Variants in USH2A observed in about 807,000 individuals in gnomAD.
USH2A encodes usherin.
In USH2A, 443 loss-of-function variants were observed where a neutral mutation model predicts 538.9. The ratio of observed to expected loss-of-function variants is 0.82; its 90% CI spans 0.76 to 0.89. The LOEUF (loss-of-function observed/expected upper bound fraction) is 0.89. USH2A is among the 40% of genes least tolerant of loss of function. The pLI is 0.00. For synonymous variants in USH2A, 2,413 were observed against 2,273.5 expected (o/e 1.06, Z -1.75); for missense variants, 6,633 against 6,324.8 (o/e 1.05, Z -1.65).
intron 3 of USH2A, among the ~76,000 whole-genome samples, chr1:216,396,687 T>C (rs2102754465): frequency 6.6e-6 from 1 of 152,260 alleles, no homozygotes; most frequent in East Asian, 1.9e-4. Flanking sequence ...GCAATGACTT[T>C]TGCATTATGA....
intron 38 of USH2A, among the ~76,000 whole-genome samples, chr1:215,912,511 ACG>A (rs1491560555): frequency 1.7e-3 from 29 of 16,718 alleles, no homozygotes; most frequent in African/African-American, 6.2e-3. Flanking sequence ...ATATATATAT[ACG>A]TGTATATATA....
chr1:216,129,645 T>C (rs578094915), intron 21 of USH2A, among the ~76,000 whole-genome samples: 132 of 152,136 alleles, frequency 8.7e-4, no homozygotes, highest in Non-Finnish European at 1.6e-3. Flanking sequence ...AAGTAATTTA[T>C]AGATTCAATG....
chr1:216,387,268 C>A (rs1227454086), intron 3 of USH2A, among the ~76,000 whole-genome samples: 1 of 152,188 alleles, frequency 6.6e-6, no homozygotes, highest in East Asian at 1.9e-4. Context: ...ATGCCTAAAT[C>A]TGTTTTTACT....
intron 19 of USH2A, among the ~76,000 whole-genome samples, chr1:216,192,015 A>C (rs1181364238): frequency 6.6e-6 from 1 of 152,056 alleles, no homozygotes; most frequent in Non-Finnish European, 1.5e-5. Context: ...ACTTGGATAG[A>C]CTTTGTCTTT....
intron 45 of USH2A, 126 bp from the exon 46 acceptor site, chr1:215,844,622 G>A: frequency 1.0e-6 from 1 of 955,730 alleles, no homozygotes; most frequent in Non-Finnish European, 1.6e-6. Context: ...CGCTGATGAA[G>A]TTATCACAGT....
intron 15 of USH2A, among the ~76,000 whole-genome samples, chr1:216,210,686 T>C (rs528275325): frequency 6.6e-6 from 1 of 152,246 alleles, no homozygotes; most frequent in East Asian, 1.9e-4. Flanking sequence ...AAGTAGTAAT[T>C]GTGGTAGTCT....
chr1:215,899,490 A>G (rs1370645719), intron 40 of USH2A, among the ~76,000 whole-genome samples: 3 of 152,240 alleles, frequency 2.0e-5, no homozygotes, highest in East Asian at 1.9e-4. Flanking sequence ...AATATAATCT[A>G]GCAAATATAT....
intron 3 of USH2A, among the ~76,000 whole-genome samples, chr1:216,381,970 G>A (rs1370986966): frequency 6.6e-6 from 1 of 152,102 alleles, no homozygotes; most frequent in Non-Finnish European, 1.5e-5. Context: ...AAGCAGACCT[G>A]GGCAATTCAA....
intron 68 of USH2A, 74 bp downstream of exon 68, chr1:215,640,483 CT>C (rs1236727240): frequency 5.1e-5 from 81 of 1,595,878 alleles, no homozygotes; most frequent in Non-Finnish European, 6.6e-5. Flanking sequence ...TGCTGGTCAG[CT>C]TTCAGATTTA....
intron 71 of USH2A, 135 bp downstream of exon 71, chr1:215,628,679 G>A (rs1005577169): frequency 5.7e-6 from 5 of 876,362 alleles, no homozygotes; most frequent in African/African-American, 1.6e-5. Context: ...TTAGTAAACC[G>A]GTTGTTACTA....
At chr1:216,137,531 C>T (rs1298699225) in intron 21 of USH2A, among the ~76,000 whole-genome samples, 3 of 152,062 alleles carry the variant, frequency 2.0e-5, no homozygotes, top group South Asian at 2.1e-4. Context: ...GCCTGCAGAC[C>T]GAGGAGCAAG....
At chr1:215,665,644 T>G (rs950754940) in intron 64 of USH2A, among the ~76,000 whole-genome samples, 1 of 152,154 alleles carries the variant, frequency 6.6e-6, no homozygotes, top group Non-Finnish European at 1.5e-5. Flanking sequence ...TCAAAGCCTG[T>G]GGGAAAAATA....
Position 216,365,059 on chromosome 1 carries a change from A to G in USH2A, c.678T>C (p.Phe226=). The part of the protein sequence containing the change: ...VQVHQTKISF[F]INGVEKDHTP... ...TATGATCCTTCTCCACGCCATTGAT[A>G]AAGAAGCTGATTTTTGTCTGATGCA... Residue 226 remains phenylalanine, a synonymous_variant, in exon 4 of 72, where the codon TTT becomes TTC. Coordinates refer to ENST00000307340, the MANE Select transcript of USH2A (RefSeq NM_206933.4). 2 of 1,613,280 alleles carry G rather than the reference A, an allele frequency of 1.2e-6. No individual in the cohort carries two copies. The highest frequency in any genetic ancestry group is 1.7e-6 in the Non-Finnish European group (2 of 1,179,516).
chr1:216,249,946 G>C (rs1404302078), intron 12 of USH2A, among the ~76,000 whole-genome samples: 2 of 151,952 alleles, frequency 1.3e-5, no homozygotes, highest in Non-Finnish European at 2.9e-5. Context: ...TAAGGTTCAG[G>C]TCAGTGTTAG....
In USH2A at chr1:215,986,286, A is replaced by AT. The variant is rs769476786; in HGVS notation, c.6805+6733dup. On this transcript the variant is annotated intron_variant, in intron 35 of 71. Coordinates refer to ENST00000307340, the MANE Select transcript of USH2A (RefSeq NM_206933.4). ...AGGCACACACTACCACGCCTGGCTA[A>AT]TTTTTTTTTTCTTTTTTCTTTTTCT... 2.8e-3 allele frequency among the ~76,000 whole-genome samples: 398 copies of AT among 140,708 alleles called. 1 individual carries two copies. Among genetic ancestry groups the AT allele is most frequent in the African/African-American group, 5.5e-3 (209 of 38,238 alleles). The allele number at this position is 140,708 out of a possible 152,430, so 92.3% of individuals were successfully genotyped here. A position where few individuals can be genotyped will look rare whatever the true frequency, so the allele number is the denominator to read the frequency against.
chr1:216,059,113 G>T (rs1385754501), intron 30 of USH2A, among the ~76,000 whole-genome samples: 1 of 152,054 alleles, frequency 6.6e-6, no homozygotes, highest in Admixed American at 6.6e-5. Flanking sequence ...CATATATATA[G>T]AGAGAATACA....
At chr1:215,641,902 T>A (rs990006000) in intron 67 of USH2A, among the ~76,000 whole-genome samples, 1 of 152,232 alleles carries the variant, frequency 6.6e-6, no homozygotes, top group Non-Finnish European at 1.5e-5. Context: ...AAACAAGAGT[T>A]ATCAAGCCCT....
chr1:216,126,102 T>C (rs1050230173), intron 21 of USH2A, among the ~76,000 whole-genome samples: 1 of 152,222 alleles, frequency 6.6e-6, no homozygotes, highest in Non-Finnish European at 1.5e-5. Flanking sequence ...AAGGGTTCCT[T>C]TGATAGTCCT....
At chr1:215,809,604 T>C (rs1357780653) in intron 49 of USH2A, among the ~76,000 whole-genome samples, 1 of 152,106 alleles carries the variant, frequency 6.6e-6, no homozygotes, top group African/African-American at 2.4e-5. Flanking sequence ...CTTGAAAATG[T>C]TTTCTCTCTA....
Sources: allele counts gnomAD v4.1 joint callset (sites outside exome capture counted in the v4.1 genomes callset), GRCh38; gene constraint gnomAD v4.1.1; transcripts MANE v1.5; gene names NCBI Gene and HGNC (gene_info 2026-07-23, HGNC 2026-07-21).